Variants in DYNC1H1 observed in about 807,000 individuals in gnomAD.
The protein encoded by DYNC1H1 is dynein cytoplasmic 1 heavy chain 1.
DYNC1H1 carries 51 observed loss-of-function variants against 527.1 expected under a neutral mutation model. The observed-to-expected ratio is 0.10, with a 90% CI of 0.08 to 0.12. DYNC1H1 has a LOEUF of 0.12. Among genes scored for constraint, DYNC1H1 ranks in the 10% least tolerant of loss-of-function variants. DYNC1H1 has a pLI of 1.00. For missense variants in DYNC1H1, 2,771 were observed against 5,971.8 expected, an observed-to-expected ratio of 0.46 and a Z score of 17.66; for synonymous variants, 2,189 against 2,278.8, an observed-to-expected ratio of 0.96 and a Z score of 1.12.
In DYNC1H1 at chr14:102,044,535, G is replaced by C. The variant is rs2048692155; in HGVS notation, c.12902+44G>C. The C allele has an allele frequency of 1.9e-6, 3 of 1,613,940 alleles. No individual in the cohort carries two copies. The highest frequency in any genetic ancestry group is 1.6e-4 in the Middle Eastern group (1 of 6,062). On this transcript the variant is annotated intron_variant, in intron 71 of 77. Transcript: ENST00000360184. This position sits in a 1 kb window ranked among gnomAD's most constrained non-coding sequence, Gnocchi z 7.1. ...GAATGGAGACAGTTGTGATGTCAGG[G>C]CGTCTGGTGTCACTCAGAGGTGACC... is the stretch of plus-strand genomic sequence containing the variant.
chr14:102,046,324 A>G (rs1445562414), intron 72 of DYNC1H1, among the ~76,000 whole-genome samples: 2 of 152,228 alleles, frequency 1.3e-5, no homozygotes, highest in African/African-American at 4.8e-5. Flanking sequence ...CTTATGGGAA[A>G]AAGTCACGAA....
chr14:102,035,944 C>A, intron 56 of DYNC1H1: 1 of 154,778 alleles, frequency 6.5e-6, no homozygotes, highest in Admixed American at 6.3e-5. Context: ...TTTTTTTTAA[C>A]GTTTTAACTG....
In DYNC1H1 at chr14:102,029,931, A is replaced by G; in HGVS notation, c.9755A>G (p.Lys3252Arg). 6.2e-7 allele frequency: 1 copy of G among 1,614,150 alleles called. No individual in the cohort carries two copies. Among genetic ancestry groups the G allele is most frequent in the Non-Finnish European group, 8.5e-7 (1 of 1,180,026 alleles). Reference sequence around the variant, plus strand: ...GTGAAAGACCAGCAGGAGGCTGAAAAGAAGAAGGTATGGTGTCAGGGAATT... The same window carrying G: ...GTGAAAGACCAGCAGGAGGCTGAAAGGAAGAAGGTATGGTGTCAGGGAATT... Reference protein sequence around the residue: ...KMVKDQQEAEKKKVMSQEIQE... With the variant: ...KMVKDQQEAERKKVMSQEIQE... The change falls in exon 50 of 78, where the codon AAG (lysine) becomes AGG (arginine). Residue 3252 changes from lysine (K) to arginine (R), a missense_variant. Around this residue, in one of 32 missense-constraint regions of DYNC1H1, gnomAD observed 30 missense variants for 117.8 expected, o/e 0.25. Coordinates refer to ENST00000360184, the MANE Select transcript of DYNC1H1 (RefSeq NM_001376.5). The surrounding 1 kb of genome is among the most constrained non-coding windows in gnomAD (Gnocchi z 5.3).
At chr14:102,014,162 C>G (rs2048292728) in intron 34 of DYNC1H1, among the ~76,000 whole-genome samples, 1 of 152,210 alleles carries the variant, frequency 6.6e-6, no homozygotes, top group African/African-American at 2.4e-5. Context: ...GGTTAAGGCT[C>G]TGGAGTCCGA....
intron 2 of DYNC1H1, among the ~76,000 whole-genome samples, chr14:101,978,892 A>G (rs1006236362): frequency 1.3e-5 from 2 of 152,196 alleles, no homozygotes; most frequent in Non-Finnish European, 2.9e-5. Context: ...CAGGGTGGGA[A>G]AGAGGATACA....
chr14:102,010,517 T>C lies in DYNC1H1; in HGVS notation c.6405+58T>C, dbSNP rs780338910. On this transcript the variant is annotated intron_variant, in intron 31 of 77. Transcript: ENST00000360184. The surrounding 1 kb of genome is among the most constrained non-coding windows in gnomAD (Gnocchi z 6.0). ...TATACGTTATTTAAATTTACCTTTTTAACATTTAAGCCATGACTTGTGAGT... is the reference window on the plus strand; with the variant it reads ...TATACGTTATTTAAATTTACCTTTTCAACATTTAAGCCATGACTTGTGAGT... 9.1e-5 allele frequency: 145 copies of C among 1,591,016 alleles called. No individual in the cohort carries two copies. The highest frequency in any genetic ancestry group is 1.2e-4 in the Non-Finnish European group (139 of 1,168,818).
In DYNC1H1 at chr14:102,016,166, G is replaced by C; in HGVS notation, c.7473+80G>C. The C allele has an allele frequency of 3.3e-6, 5 of 1,529,050 alleles. No individual in the cohort carries two copies. Among genetic ancestry groups the C allele is most frequent in the South Asian group, 1.2e-5 (1 of 84,106 alleles). The allele number at this position is 1,529,050 out of a possible 1,614,324, so 94.7% of individuals were successfully genotyped here. On this transcript the variant is annotated intron_variant, in intron 36 of 77. Transcript: ENST00000360184. This position sits in a 1 kb window ranked among gnomAD's most constrained non-coding sequence, Gnocchi z 7.3. ...TGAGGACCTCTGAAATGCTGCACCT[G>C]TGGGGATGTGCGCTCTCTCCTAGGC...
intron 8 of DYNC1H1, among the ~76,000 whole-genome samples, 181 bp from the exon 9 acceptor site, chr14:101,987,272 C>G (rs1254550800): frequency 2.0e-5 from 3 of 152,194 alleles, no homozygotes; most frequent in Non-Finnish European, 2.9e-5. Flanking sequence ...ATTTTCCTTT[C>G]CTCTGCAAGG....
intron 5 of DYNC1H1, among the ~76,000 whole-genome samples, chr14:101,982,698 G>A (rs1452695283): frequency 1.0e-5 from 1 of 97,364 alleles, no homozygotes; most frequent in Admixed American, 1.7e-4. Context: ...TGGAAAAATC[G>A]TCTTCCACGA....
intron 34 of DYNC1H1, among the ~76,000 whole-genome samples, chr14:102,013,467 C>T (rs1317817764): frequency 1.3e-5 from 2 of 151,638 alleles, no homozygotes; most frequent in African/African-American, 2.4e-5. Flanking sequence ...CCCAAGTCTC[C>T]CAAGTATTCT....
chr14:101,988,323 C>T (rs1343318097), intron 9 of DYNC1H1, among the ~76,000 whole-genome samples: 2 of 152,210 alleles, frequency 1.3e-5, no homozygotes, highest in Non-Finnish European at 2.9e-5. Context: ...TGCCCCCACC[C>T]GTATCCCCGT....
chr14:102,004,012 C>T (rs946414241), intron 23 of DYNC1H1, among the ~76,000 whole-genome samples: 12 of 151,814 alleles, frequency 7.9e-5, no homozygotes, highest in African/African-American at 1.5e-4. Flanking sequence ...GTGGCCGAGG[C>T]GGGCGGATCA....
Position 102,036,585 on chromosome 14 carries a change from C to T in DYNC1H1, c.10851C>T (p.Asp3617=), listed in dbSNP as rs939486667. The part of the protein sequence containing the change: ...RKITRTSFLD[D]AFRKNLESAL... Reference sequence around the variant, plus strand: ...TCACACGGACCAGCTTCCTGGATGACGCCTTCAGAAAGAACTTAGAGAGTG... The same window carrying T: ...TCACACGGACCAGCTTCCTGGATGATGCCTTCAGAAAGAACTTAGAGAGTG... The change falls in exon 57 of 78, where the codon GAC becomes GAT. Residue 3617 remains aspartate (D), a synonymous_variant. Transcript: ENST00000360184. This position sits in a 1 kb window ranked among gnomAD's most constrained non-coding sequence, Gnocchi z 5.6. The T allele has an allele frequency of 6.8e-6, 11 of 1,614,114 alleles. No homozygotes were observed. The highest frequency in any genetic ancestry group is 2.2e-5 in the East Asian group (1 of 44,880).
intron 23 of DYNC1H1, among the ~76,000 whole-genome samples, chr14:102,003,214 C>A (rs567787393): frequency 6.6e-6 from 1 of 152,088 alleles, no homozygotes; most frequent in African/African-American, 2.4e-5. Context: ...TATCATCTAC[C>A]CTCCAAGGCA....
At position 101,988,688 on chromosome 14, in the gene DYNC1H1, T is replaced by C. The variant is rs748772899; in HGVS notation, c.2719-15T>C. The C allele has an allele frequency of 8.7e-6, 14 of 1,614,176 alleles. No individual in the cohort carries two copies. The highest frequency in any genetic ancestry group is 5.0e-5 in the Admixed American group (3 of 60,026). ...TTAGAAGAAACACTGTTCTCTGATA[T>C]AACGTTGTCTGTAGATTGAAAGAAT... is the stretch of plus-strand genomic sequence containing the variant. On this transcript the variant is annotated splice_polypyrimidine_tract_variant and intron_variant, in intron 9 of 77. Coordinates refer to ENST00000360184, the MANE Select transcript of DYNC1H1 (RefSeq NM_001376.5).
In DYNC1H1 at chr14:102,015,921, G is replaced by T. The variant is rs754446530; in HGVS notation, c.7308G>T (p.Ala2436=). 1.2e-6 allele frequency: 2 copies of T among 1,614,094 alleles called. No individual in the cohort carries two copies. The highest frequency in any genetic ancestry group is 1.1e-5 in the South Asian group (1 of 91,092). ...CGTCCAACGGCCTGGTCACCAAGGCGCTAGAGCACGCCTTCCAGCTGGAGC... is the reference window on the plus strand; with the variant it reads ...CGTCCAACGGCCTGGTCACCAAGGCTCTAGAGCACGCCTTCCAGCTGGAGC... ...YFTSNGLVTK[A]LEHAFQLEHI... Residue 2436 remains alanine (A), a synonymous_variant, in exon 36 of 78, where the codon GCG becomes GCT. Coordinates refer to ENST00000360184, the MANE Select transcript of DYNC1H1 (RefSeq NM_001376.5). This position sits in a 1 kb window ranked among gnomAD's most constrained non-coding sequence, Gnocchi z 6.9.
intron 51 of DYNC1H1, 57 bp downstream of exon 51, chr14:102,030,339 A>G (rs916819083): frequency 1.2e-6 from 2 of 1,613,278 alleles, no homozygotes; most frequent in Non-Finnish European, 1.7e-6. Context: ...CGTCAACATT[A>G]CTGTGGAGTT....
Position 102,034,008 on chromosome 14 carries a change from G to A in DYNC1H1, c.10446G>A (p.Leu3482=), listed in dbSNP as rs745353490. The part of the protein sequence containing the change: ...VNRSTALLKS[L]SAERERWEKT... ...GGAGCACTGCTCTTCTGAAGAGCTTGTCTGCTGAACGTGAACGATGGGAAA... is the reference window on the plus strand; with the variant it reads ...GGAGCACTGCTCTTCTGAAGAGCTTATCTGCTGAACGTGAACGATGGGAAA... Residue 3482 remains leucine (L), a synonymous_variant, in exon 55 of 78, where the codon TTG becomes TTA. Transcript: ENST00000360184. 1 of 1,614,046 alleles carries A rather than the reference G, an allele frequency of 6.2e-7. No homozygotes were observed. Among genetic ancestry groups the A allele is most frequent in the South Asian group, 1.1e-5 (1 of 91,080 alleles).
chr14:102,041,972 T>C lies in DYNC1H1; in HGVS notation c.12103-41T>C, dbSNP rs778794860. On this transcript the variant is annotated intron_variant, in intron 65 of 77. Coordinates refer to ENST00000360184, the MANE Select transcript of DYNC1H1 (RefSeq NM_001376.5). The surrounding 1 kb of genome is among the most constrained non-coding windows in gnomAD (Gnocchi z 4.5). Reference sequence around the variant, plus strand: ...CCTTTCCCTTGACAGGTACACACTATTTGCTGGCACTGTAATAACTTCTGC... The same window carrying C: ...CCTTTCCCTTGACAGGTACACACTACTTGCTGGCACTGTAATAACTTCTGC... 1 of 1,603,400 alleles carries C rather than the reference T, an allele frequency of 6.2e-7. No homozygotes were observed. The highest frequency in any genetic ancestry group is 8.5e-7 in the Non-Finnish European group (1 of 1,170,540).
Sources: gnomAD v4.1 joint callset for allele counts (sites outside exome capture counted in the v4.1 genomes callset) on GRCh38, gnomAD v4.1.1 for gene constraint, gnomAD v4.1.1 regional missense constraint, Gnocchi (gnomAD v3.1) non-coding constraint, MANE v1.5 for transcripts, NCBI Gene and HGNC (gene_info 2026-07-23, HGNC 2026-07-21) for gene names.